The following EEFSEC variants were observed in gnomAD, a reference collection of about 807,000 sequenced individuals.
The protein encoded by EEFSEC is selenocysteine-specific elongation factor.
Under a neutral mutation model 42.1 loss-of-function variants are expected in EEFSEC, and 43 were observed. That is an observed-to-expected ratio of 1.02 (90% CI 0.80 to 1.32). The LOEUF (loss-of-function observed/expected upper bound fraction) is 1.32, where lower values mean the gene tolerates loss of function less well. Among genes scored for constraint, EEFSEC ranks in the 40% most tolerant of loss-of-function variants. EEFSEC has a pLI of 0.00. For missense variants in EEFSEC, 745 were observed against 803.6 expected (o/e 0.93, Z 0.88); for synonymous variants, 354 against 339.1 (o/e 1.04, Z -0.48).
intron 4 of EEFSEC, among the ~76,000 whole-genome samples, chr3:128,311,393 C>T (rs1205337390): frequency 1.3e-5 from 2 of 152,200 alleles, no homozygotes; most frequent in Non-Finnish European, 2.9e-5. Flanking sequence ...GTTTGGAAAC[C>T]AGATTCCTGT....
intron 4 of EEFSEC, among the ~76,000 whole-genome samples, chr3:128,269,431 C>T (rs2066391340): frequency 6.6e-6 from 1 of 152,260 alleles, no homozygotes; most frequent in African/African-American, 2.4e-5. Flanking sequence ...CCTCTCACCC[C>T]TGCCCTCTTC....
chr3:128,319,635 C>T (rs1485980439), intron 4 of EEFSEC, among the ~76,000 whole-genome samples: 1 of 152,210 alleles, frequency 6.6e-6, no homozygotes, highest in African/African-American at 2.4e-5. Flanking sequence ...ATAATAAGCA[C>T]ACCAGTGACC....
intron 4 of EEFSEC, among the ~76,000 whole-genome samples, chr3:128,301,027 G>A (rs1364386300): frequency 6.6e-6 from 1 of 152,118 alleles, no homozygotes; most frequent in Non-Finnish European, 1.5e-5. Flanking sequence ...AGGGATAAAT[G>A]TAAAATTCTT....
chr3:128,228,124 ATTCAC>A (rs1255024289), intron 1 of EEFSEC, among the ~76,000 whole-genome samples: 8 of 152,186 alleles, frequency 5.3e-5, no homozygotes, highest in Admixed American at 5.2e-4. Context: ...AGTGCTTTTC[ATTCAC>A]TTCATACATA....
chr3:128,269,271 C>T (rs1409631014), intron 4 of EEFSEC, among the ~76,000 whole-genome samples: 2 of 152,270 alleles, frequency 1.3e-5, no homozygotes, highest in African/African-American at 4.8e-5. Flanking sequence ...GATGCCTGGG[C>T]TGGTAGTGGT....
intron 3 of EEFSEC, among the ~76,000 whole-genome samples, chr3:128,262,894 G>T (rs2066313378): frequency 6.6e-6 from 1 of 152,194 alleles, no homozygotes; most frequent in Non-Finnish European, 1.5e-5. Context: ...GCTCAGGACA[G>T]TTCAGCCGGG....
intron 6 of EEFSEC, among the ~76,000 whole-genome samples, chr3:128,401,977 C>G (rs1261147150): frequency 6.6e-6 from 1 of 152,214 alleles, no homozygotes; most frequent in African/African-American, 2.4e-5. Context: ...TGTCAGCGAG[C>G]TTTCTGGCCC....
chr3:128,283,216 C>T (rs558444228), intron 4 of EEFSEC, among the ~76,000 whole-genome samples: 1 of 152,192 alleles, frequency 6.6e-6, no homozygotes, highest in South Asian at 2.1e-4. Flanking sequence ...CTTTCCCATC[C>T]CAGGACAGCC....
intron 4 of EEFSEC, among the ~76,000 whole-genome samples, chr3:128,288,163 T>G (rs1441858475): frequency 6.6e-6 from 1 of 152,208 alleles, no homozygotes; most frequent in African/African-American, 2.4e-5. Flanking sequence ...TGTAAATGTT[T>G]GGCACAGGTG....
intron 6 of EEFSEC, among the ~76,000 whole-genome samples, chr3:128,394,222 G>A (rs2067952316): frequency 6.6e-6 from 1 of 152,230 alleles, no homozygotes; most frequent in African/African-American, 2.4e-5. Flanking sequence ...GACTGTTGGA[G>A]TCTGCAGCTT....
At chr3:128,366,410 G>C (rs749863540) in intron 6 of EEFSEC, among the ~76,000 whole-genome samples, 6 of 152,256 alleles carry the variant, frequency 3.9e-5, no homozygotes, top group Non-Finnish European at 8.8e-5. Flanking sequence ...GCACGCCCTT[G>C]TGTAGTCTGA....
At chr3:128,240,693 C>T (rs1242741842) in intron 1 of EEFSEC, among the ~76,000 whole-genome samples, 1 of 152,230 alleles carries the variant, frequency 6.6e-6, no homozygotes, top group African/African-American at 2.4e-5. Context: ...CTTGCTCTCT[C>T]TGCAGAATGG....
At chr3:128,369,588 G>A (rs2067629648) in intron 6 of EEFSEC, among the ~76,000 whole-genome samples, 1 of 152,178 alleles carries the variant, frequency 6.6e-6, no homozygotes, top group Non-Finnish European at 1.5e-5. Context: ...ACTGGGATGT[G>A]GGTAGCAGGG....
chr3:128,285,689 G>A (rs1377638628), intron 4 of EEFSEC, among the ~76,000 whole-genome samples: 7 of 152,006 alleles, frequency 4.6e-5, no homozygotes, highest in Admixed American at 6.6e-5. Flanking sequence ...CAGCCATCAT[G>A]GACACCAACC....
chr3:128,211,481 CAT>C (rs954015518), intron 1 of EEFSEC, among the ~76,000 whole-genome samples: 2 of 151,774 alleles, frequency 1.3e-5, no homozygotes, highest in African/African-American at 4.8e-5. Context: ...GACAATACAA[CAT>C]GTAAAAATTT....
chr3:128,302,614 TG>T (rs1169071600), intron 4 of EEFSEC, among the ~76,000 whole-genome samples: 3 of 151,766 alleles, frequency 2.0e-5, no homozygotes, highest in Non-Finnish European at 4.4e-5. Context: ...TTTTGTTTTT[TG>T]TTTTTTTTTG....
intron 4 of EEFSEC, among the ~76,000 whole-genome samples, chr3:128,296,586 A>G (rs899369864): frequency 6.6e-6 from 1 of 152,086 alleles, no homozygotes; most frequent in Non-Finnish European, 1.5e-5. Context: ...TCTCCTCGTC[A>G]TCCGCACAGG....
At chr3:128,335,716 G>C (rs999190004) in intron 4 of EEFSEC, among the ~76,000 whole-genome samples, 1 of 152,150 alleles carries the variant, frequency 6.6e-6, no homozygotes, top group Admixed American at 6.5e-5. Context: ...GGGAAGAACA[G>C]GCTCTTGGAA....
At chr3:128,296,497 C>G (rs1163005551) in intron 4 of EEFSEC, among the ~76,000 whole-genome samples, 1 of 152,196 alleles carries the variant, frequency 6.6e-6, no homozygotes, top group Non-Finnish European at 1.5e-5. Flanking sequence ...CATTCTTCTA[C>G]TGATAAAGCA....
Sources: allele counts gnomAD v4.1 joint callset (sites outside exome capture counted in the v4.1 genomes callset), GRCh38; gene constraint gnomAD v4.1.1; transcripts MANE v1.5; gene names NCBI Gene and HGNC (gene_info 2026-07-23, HGNC 2026-07-21).